GYS2: variants seen among roughly 807,000 people sequenced by gnomAD.
The protein encoded by GYS2 is glycogen [starch] synthase, liver.
GYS2 carries 80 observed loss-of-function variants against 85.6 expected under a neutral mutation model. The ratio of observed to expected loss-of-function variants is 0.93; its 90% confidence interval spans 0.78 to 1.13. GYS2 has a LOEUF of 1.13. Among genes scored for constraint, GYS2 ranks in the 50% most tolerant of loss-of-function variants. The pLI is 0.00. For synonymous variants in GYS2, 328 were observed against 300.7 expected (o/e 1.09, Z -0.94); for missense variants, 881 against 854.9 (o/e 1.03, Z -0.38).
intron 5 of GYS2, among the ~76,000 whole-genome samples, chr12:21,568,110 G>T (rs1944344093): frequency 6.6e-6 from 1 of 151,920 alleles, no homozygotes. Context: ...TCACTGTGGA[G>T]AGCCTCTAGT....
intron 4 of GYS2, among the ~76,000 whole-genome samples, chr12:21,573,608 G>A (rs1480249170): frequency 6.6e-6 from 1 of 152,168 alleles, no homozygotes; most frequent in Non-Finnish European, 1.5e-5. Context: ...AATAACTTCT[G>A]TTTTACTTGA....
chr12:21,564,082 C>G (rs1365790935), intron 5 of GYS2, among the ~76,000 whole-genome samples: 1 of 152,052 alleles, frequency 6.6e-6, no homozygotes, highest in Non-Finnish European at 1.5e-5. Context: ...AGAGAGGGAC[C>G]ACTCTGAGCA....
intron 4 of GYS2, among the ~76,000 whole-genome samples, chr12:21,569,744 C>A (rs1484761997): frequency 6.6e-6 from 1 of 152,186 alleles, no homozygotes. Flanking sequence ...AAGTTTCTGA[C>A]ATTATGTAAG....
rs781511110 is a variant in GYS2, at chr12:21,562,917, C to A, written c.1062+1G>T. On this transcript the variant is annotated splice_donor_variant, in intron 7 of 15. Coordinates refer to ENST00000261195, the MANE Select transcript of GYS2 (RefSeq NM_021957.4). LOFTEE classifies it high-confidence loss of function. The stretch of plus-strand genomic sequence containing the variant: ...TATACCATGTCCTAGAGCTTTCTTA[C>A]CCTCAGCAGGAAATTTAGCCTGGAT... 19 of 1,611,936 alleles carry A rather than the reference C, an allele frequency of 1.2e-5. No individual in the cohort carries two copies. The South Asian group carries it at 2.0e-4, about 17-fold the overall frequency.
intron 1 of GYS2, among the ~76,000 whole-genome samples, chr12:21,586,712 T>C (rs1944578661): frequency 6.6e-6 from 1 of 152,188 alleles, no homozygotes; most frequent in South Asian, 2.1e-4. Context: ...AAAATGCTTA[T>C]ACACTGTTGG....
intron 1 of GYS2, among the ~76,000 whole-genome samples, chr12:21,584,662 C>G (rs1335031503): frequency 6.6e-6 from 1 of 152,194 alleles, no homozygotes; most frequent in African/African-American, 2.4e-5. Context: ...AGCCAGCTAC[C>G]TGGTGGCAGG....
chr12:21,591,140 A>G (rs1321919829), intron 1 of GYS2, among the ~76,000 whole-genome samples: 1 of 151,562 alleles, frequency 6.6e-6, no homozygotes, highest in Admixed American at 6.6e-5. Flanking sequence ...AAGCCAGTGG[A>G]AAAAAAAGAC....
chr12:21,569,178 G>A (rs1358891756), intron 4 of GYS2, among the ~76,000 whole-genome samples, 169 bp from the exon 5 acceptor site: 1 of 152,042 alleles, frequency 6.6e-6, no homozygotes, highest in Non-Finnish European at 1.5e-5. Flanking sequence ...ATATACATAA[G>A]GAATTACACT....
At chr12:21,552,231 G>C (rs1944120699) in intron 11 of GYS2, among the ~76,000 whole-genome samples, 1 of 152,202 alleles carries the variant, frequency 6.6e-6, no homozygotes, top group Non-Finnish European at 1.5e-5. Context: ...TTCCAGGACA[G>C]AAGTAAGGTC....
At chr12:21,579,953 A>T (rs761944893) in intron 2 of GYS2, among the ~76,000 whole-genome samples, 71 of 152,182 alleles carry the variant, frequency 4.7e-4, no homozygotes, top group South Asian at 1.7e-3. Flanking sequence ...TTGCTTCTAC[A>T]TTTGCAATCT....
chr12:21,547,297 G>T (rs998969430), intron 11 of GYS2, among the ~76,000 whole-genome samples: 7 of 152,098 alleles, frequency 4.6e-5, no homozygotes, highest in African/African-American at 1.7e-4. Context: ...GTTACCAAAT[G>T]ACAAAAGATG....
At chr12:21,590,803 C>G (rs1944629979) in intron 1 of GYS2, among the ~76,000 whole-genome samples, 1 of 152,184 alleles carries the variant, frequency 6.6e-6, no homozygotes, top group Non-Finnish European at 1.5e-5. Flanking sequence ...TTGTCTCCAG[C>G]ACAACCTCAT....
At chr12:21,534,032 C>A (rs1276475963), downstream of GYS2, among the ~76,000 whole-genome samples, 7 of 152,130 alleles carry the variant, frequency 4.6e-5, no homozygotes, top group Admixed American at 4.6e-4. Flanking sequence ...TAATCACTTC[C>A]CAAAGGCTCT....
At chr12:21,547,865 C>A (rs569395520) in intron 11 of GYS2, among the ~76,000 whole-genome samples, 14 of 152,184 alleles carry the variant, frequency 9.2e-5, no homozygotes, top group African/African-American at 3.4e-4. Context: ...GGCCAGAGAG[C>A]AAATGGACAC....
rs772046871 is a variant in GYS2 at position 21,559,152 on chromosome 12, A to G, written c.1247T>C (p.Leu416Pro). 6 of 1,606,824 alleles carry G rather than the reference A, an allele frequency of 3.7e-6. No homozygotes were observed. In the East Asian group the frequency reaches 1.1e-4, roughly 30 times the overall value. Reference sequence around the variant, plus strand: ...ATCATCTCGATCTAAAATATCGTTCAGGTCAGGAATTTCTCCTCTGCAGGG... The same window carrying G: ...ATCATCTCGATCTAAAATATCGTTCGGGTCAGGAATTTCTCCTCTGCAGGG... The part of the protein sequence containing the change: ...DALLRGEIPD[L>P]NDILDRDDLT... Residue 416 changes from leucine to proline, a missense_variant, in exon 10 of 16, where the codon CTG becomes CCG. By Grantham distance (98) the Leu-to-Pro change is moderately conservative (BLOSUM62 -3). Coordinates refer to ENST00000261195, the MANE Select transcript of GYS2 (RefSeq NM_021957.4).
chr12:21,536,117 A>G lies in GYS2; in HGVS notation c.*837T>C, dbSNP rs1199902600. 2 of 152,224 alleles carry G rather than the reference A, an allele frequency of 1.3e-5. No individual in the cohort carries two copies. Among genetic ancestry groups the G allele is most frequent in the African/African-American group, 2.4e-5 (1 of 41,460 alleles). The allele number at this position is 152,224 out of a possible 1,614,324, so 9.4% of individuals were successfully genotyped here. On this transcript the variant is annotated 3_prime_UTR_variant, in exon 16 of 16. Transcript: ENST00000261195. ...CATTATCAGTGAAAGTTGTTATTCA[A>G]TATTAATGTGTTTATTTACTTGGAT...
At chr12:21,604,346 C>A in intron 1 of GYS2, 126 bp downstream of exon 1, 2 of 750,476 alleles carry the variant, frequency 2.7e-6, no homozygotes, top group Non-Finnish European at 2.5e-6. Context: ...ATATATATTC[C>A]GTTTAAATGC....
intron 5 of GYS2, among the ~76,000 whole-genome samples, chr12:21,567,350 A>G (rs997690957): frequency 3.9e-5 from 6 of 152,146 alleles, no homozygotes; most frequent in African/African-American, 1.4e-4. Flanking sequence ...GAGAAAGATA[A>G]CTGTAGACAG....
At chr12:21,558,375 C>A (rs1944209332) in intron 10 of GYS2, 62 bp from the exon 11 acceptor site, 3 of 990,852 alleles carry the variant, frequency 3.0e-6, no homozygotes, top group Non-Finnish European at 3.3e-6. Flanking sequence ...TGACTAATTT[C>A]AACAATAGGT....
Sources: gnomAD v4.1 joint callset for allele counts (sites outside exome capture counted in the v4.1 genomes callset) on GRCh38, gnomAD v4.1.1 for gene constraint, MANE v1.5 for transcripts, NCBI Gene and HGNC (gene_info 2026-07-23, HGNC 2026-07-21) for gene names.